Variants in FZR1 observed in about 807,000 individuals in gnomAD.
The protein encoded by FZR1 is fizzy-related protein homolog.
FZR1 carries 11 observed loss-of-function variants against 63.6 expected under a neutral mutation model. The observed-to-expected ratio is 0.17, with a 90% CI of 0.11 to 0.29. The LOEUF (loss-of-function observed/expected upper bound fraction) is 0.29, where lower values mean the gene tolerates loss of function less well. Among genes scored for constraint, FZR1 ranks in the 10% least tolerant of loss-of-function variants. The probability of loss-of-function intolerance (pLI) is 1.00; values close to 1 mark genes in which losing one functional copy is unlikely to be tolerated. For missense variants in FZR1, 440 were observed against 687.5 expected (o/e 0.64, Z 4.03); for synonymous variants, 328 against 297.9 (o/e 1.10, Z -1.04).
At chr19:3,524,593 G>A (rs2083134146) in intron 2 of FZR1, among the ~76,000 whole-genome samples, 1 of 152,148 alleles carries the variant, frequency 6.6e-6, no homozygotes, top group South Asian at 2.1e-4. Context: ...TGTTTCCTGG[G>A]GCTCCACCAG....
At position 3,522,995 on chromosome 19, in the gene FZR1, C is replaced by T; in HGVS notation, c.6C>T (p.Asp2=). ...GGGCCGAGCCCTGCCTCGCCATGGA[C>T]CAGGACTATGAGCGGCGCCTGCTTC... M[D]QDYERRLLRQ... The change falls in exon 2 of 14, where the codon GAC becomes GAT. Residue 2 remains aspartate (D), a synonymous_variant. Transcript: ENST00000441788. 3 of 1,610,520 alleles carry T rather than the reference C, an allele frequency of 1.9e-6. No individual in the cohort carries two copies. Among genetic ancestry groups the T allele is most frequent in the South Asian group, 1.1e-5 (1 of 91,048 alleles).
At position 3,526,955 on chromosome 19, in the gene FZR1, A is replaced by G. The variant is rs749883439; in HGVS notation, c.388-25A>G. The G allele has an allele frequency of 1.9e-6, 3 of 1,578,200 alleles. No homozygotes were observed. The highest frequency in any genetic ancestry group is 2.6e-6 in the Non-Finnish European group (3 of 1,150,956). ...GGTCCTGCGGCCTGGGCGTGCGCTC[A>G]GCTGGCATGTCCCCCGCTCCACAGT... On this transcript the variant is annotated intron_variant, in intron 5 of 13. Transcript: ENST00000441788. The surrounding 1 kb of genome is among the most constrained non-coding windows in gnomAD (Gnocchi z 5.4).
At chr19:3,530,912 T>C (rs1318575679) in intron 8 of FZR1, 55 bp downstream of exon 8, 14 of 1,407,918 alleles carry the variant, frequency 9.9e-6, no homozygotes, top group Non-Finnish European at 1.3e-5. Flanking sequence ...CTCTTGACAG[T>C]GTTGGGGGCC....
Position 3,533,677 on chromosome 19 carries a change from G to A in FZR1, c.1347+279G>A, listed in dbSNP as rs2083269654. 2.4e-6 allele frequency: 1 copy of A among 419,676 alleles called. No homozygotes were observed. Among genetic ancestry groups the A allele is most frequent in the South Asian group, 2.9e-5 (1 of 34,010 alleles). The allele number at this position is 419,676 out of a possible 1,614,324, so 26.0% of individuals were successfully genotyped here. Reference sequence around the variant, plus strand: ...TATTTTCCCCATAAAGAGGGGTGAAGAGGAAAGCCAAAACCAACTCACAGC... The same window carrying A: ...TATTTTCCCCATAAAGAGGGGTGAAAAGGAAAGCCAAAACCAACTCACAGC... On this transcript the variant is annotated intron_variant, in intron 12 of 13. Coordinates refer to ENST00000441788, the MANE Select transcript of FZR1 (RefSeq NM_016263.4). The surrounding 1 kb of genome is among the most constrained non-coding windows in gnomAD (Gnocchi z 4.9).
At position 3,536,299 on chromosome 19, in the gene FZR1, G is replaced by A. The variant is rs1182775354; in HGVS notation, c.*1463G>A. 1 of 152,174 alleles carries A rather than the reference G, an allele frequency of 6.6e-6. No individual in the cohort carries two copies. The highest frequency in any genetic ancestry group is 1.9e-4 in the East Asian group (1 of 5,200). 9.4% of individuals were successfully genotyped at this position (152,174 alleles called of 1,614,324 possible). A position where few individuals can be genotyped will look rare whatever the true frequency, so the allele number is the denominator to read the frequency against. ...TGGGGGATGAGGTCCTGGTTTTAAA[G>A]CCCCGTCATTTCAAGCGGGTCGATC... On this transcript the variant is annotated 3_prime_UTR_variant, in exon 14 of 14. Transcript: ENST00000441788.
At chr19:3,512,010 T>C (rs1350930825) in intron 1 of FZR1, among the ~76,000 whole-genome samples, 3 of 152,080 alleles carry the variant, frequency 2.0e-5, no homozygotes, top group Non-Finnish European at 2.9e-5. Context: ...CCTGTGTCAG[T>C]CCACCCCTGC....
intron 1 of FZR1, among the ~76,000 whole-genome samples, chr19:3,518,586 C>T: frequency 6.6e-6 from 1 of 152,172 alleles, no homozygotes; most frequent in Non-Finnish European, 1.5e-5. Flanking sequence ...GCCCATGGGT[C>T]CCTCTGCGAG....
chr19:3,525,906 C>T lies in FZR1; in HGVS notation c.108C>T (p.Ser36=). ...EMRRTLTPAS[S]PVSSPSKHGD... is the part of the protein sequence containing the mutation. ...GGCGGACCCTGACGCCTGCCAGCTC[C>T]CCAGTGTCCTCGCCCAGCAAGCACG... The change falls in exon 3 of 14, where the codon TCC becomes TCT. Residue 36 remains serine, a synonymous_variant. Transcript: ENST00000441788. This position sits in a 1 kb window ranked among gnomAD's most constrained non-coding sequence, Gnocchi z 4.2. 6.2e-7 allele frequency: 1 copy of T among 1,612,402 alleles called. No homozygotes were observed. Among genetic ancestry groups the T allele is most frequent in the Non-Finnish European group, 8.5e-7 (1 of 1,179,942 alleles).
rs2083159773 is a variant in FZR1, at chr19:3,526,487, C to T, written c.387+101C>T. On this transcript the variant is annotated intron_variant, in intron 5 of 13. Coordinates refer to ENST00000441788, the MANE Select transcript of FZR1 (RefSeq NM_016263.4). This position sits in a 1 kb window ranked among gnomAD's most constrained non-coding sequence, Gnocchi z 5.4. Reference sequence around the variant, plus strand: ...GCTCTGCCTCCCCGAGCCCGGTTCTCGGGCCCAGCCACGGCTCAGCACCCC... The same window carrying T: ...GCTCTGCCTCCCCGAGCCCGGTTCTTGGGCCCAGCCACGGCTCAGCACCCC... 6.2e-6 allele frequency: 6 copies of T among 970,312 alleles called. No individual in the cohort carries two copies. Among genetic ancestry groups the T allele is most frequent in the Non-Finnish European group, 7.7e-6 (5 of 651,044 alleles). 60.1% of individuals were successfully genotyped at this position (970,312 alleles called of 1,614,324 possible).
rs201546337 is a variant in FZR1 at position 3,527,854 on chromosome 19, C to G, written c.654+40C>G. ...GGGTGTGCATGTGCATGGGGGCCTCCCCAGCTCCCAGCAGACCTCAATGTA... is the reference window on the plus strand; with the variant it reads ...GGGTGTGCATGTGCATGGGGGCCTCGCCAGCTCCCAGCAGACCTCAATGTA... On this transcript the variant is annotated intron_variant, in intron 7 of 13. Coordinates refer to ENST00000441788, the MANE Select transcript of FZR1 (RefSeq NM_016263.4). The G allele has an allele frequency of 2.0e-6, 3 of 1,498,294 alleles. No individual in the cohort carries two copies. In the African/African-American group the frequency reaches 4.1e-5, roughly 21 times the overall value. 92.8% of individuals were successfully genotyped at this position (1,498,294 alleles called of 1,614,324 possible). A position where few individuals can be genotyped will look rare whatever the true frequency, so the allele number is the denominator to read the frequency against.
intron 7 of FZR1, among the ~76,000 whole-genome samples, chr19:3,528,402 C>T (rs1407647655): frequency 1.3e-5 from 2 of 152,198 alleles, no homozygotes; most frequent in African/African-American, 4.8e-5. Flanking sequence ...CTGGCAGTGT[C>T]CCACACCCTT....
At chr19:3,532,695 G>A (rs1441299027) in intron 11 of FZR1, 45 bp downstream of exon 11, 10 of 1,346,896 alleles carry the variant, frequency 7.4e-6, no homozygotes, top group African/African-American at 7.2e-5. Flanking sequence ...CAGGATGTGC[G>A]TCCTGCTGGC....
intron 1 of FZR1, among the ~76,000 whole-genome samples, chr19:3,512,786 GTCC>G (rs1481221041): frequency 6.6e-6 from 1 of 152,154 alleles, no homozygotes; most frequent in African/African-American, 2.4e-5. Context: ...GCCATCTAGA[GTCC>G]TCCTCTGAGG....
chr19:3,534,225 A>G (rs1486082452), intron 12 of FZR1, 196 bp from the exon 13 acceptor site: 2 of 461,056 alleles, frequency 4.3e-6, no homozygotes, highest in East Asian at 3.5e-5. Flanking sequence ...CCGTCTTAAA[A>G]TTAAAAAAAA....
At chr19:3,523,089 G>T in intron 2 of FZR1, 31 bp downstream of exon 2, 1 of 1,361,394 alleles carries the variant, frequency 7.3e-7, no homozygotes. Flanking sequence ...CACCACTGTG[G>T]CTCCCCCTCC....
rs570161749 is a variant in FZR1, at chr19:3,507,784, G to A, written c.-35+1310G>A. Among the ~76,000 whole-genome samples, 44 of 152,356 alleles carry A rather than the reference G, an allele frequency of 2.9e-4. No homozygotes were observed. The South Asian group carries it at 5.0e-3, about 17-fold the overall frequency. ...GGTCCCCGGAGTGGATGTGTCGGGGGCCGTCTGTCATGCGGAATTCCGCGT... is the reference window on the plus strand; with the variant it reads ...GGTCCCCGGAGTGGATGTGTCGGGGACCGTCTGTCATGCGGAATTCCGCGT... On this transcript the variant is annotated intron_variant, in intron 1 of 13. Transcript: ENST00000441788.
chr19:3,530,208 AGATGGGAGAGTGGATGGGTGAGCG>A (rs2083227467), intron 7 of FZR1, among the ~76,000 whole-genome samples: 1 of 57,014 alleles, frequency 1.8e-5, no homozygotes. Context: ...ATGGGAGAGC[AGATGGGAGAGTGGATGGGTGAGCG>A]GATGGGAGAG....
At chr19:3,508,452 C>A (rs2083001849) in intron 1 of FZR1, among the ~76,000 whole-genome samples, 1 of 152,224 alleles carries the variant, frequency 6.6e-6, no homozygotes, top group East Asian at 1.9e-4. Flanking sequence ...GCCTCGAGGC[C>A]TCCCAAAGTG....
Position 3,516,848 on chromosome 19 carries a change from G to A in FZR1, c.-34-6108G>A, listed in dbSNP as rs533902068. Reference sequence around the variant, plus strand: ...TGGGCCATTGGCTCACGGCGTCTCTGTTGCCCCGGAGGGCTTGTCAGGTGC... The same window carrying A: ...TGGGCCATTGGCTCACGGCGTCTCTATTGCCCCGGAGGGCTTGTCAGGTGC... On this transcript the variant is annotated intron_variant, in intron 1 of 13. Transcript: ENST00000441788. This position sits in a 1 kb window ranked among gnomAD's most constrained non-coding sequence, Gnocchi z 6.0. Among the ~76,000 whole-genome samples, 3 of 152,258 alleles carry A rather than the reference G, an allele frequency of 2.0e-5. No individual in the cohort carries two copies. Among genetic ancestry groups the A allele is most frequent in the African/African-American group, 7.2e-5 (3 of 41,472 alleles).
Sources: allele counts gnomAD v4.1 joint callset (sites outside exome capture counted in the v4.1 genomes callset), GRCh38; gene constraint gnomAD v4.1.1; non-coding constraint Gnocchi (gnomAD v3.1); transcripts MANE v1.5; gene names NCBI Gene and HGNC (gene_info 2026-07-23, HGNC 2026-07-21).